Variants in DPP10 observed in about 807,000 individuals in gnomAD.
DPP10 encodes inactive dipeptidyl peptidase 10.
A neutral mutation model predicts 120.9 loss-of-function variants in DPP10; 33 were observed. That is an observed-to-expected ratio of 0.27 (90% CI 0.21 to 0.37). DPP10 has a LOEUF of 0.37. Ranked by LOEUF, DPP10 falls within the 10% of genes least tolerant of loss-of-function variation. The pLI is 1.00. For synonymous variants in DPP10, 337 were observed against 326.1 expected, an observed-to-expected ratio of 1.03 and a Z score of -0.36; for missense variants, 816 against 942.8, an observed-to-expected ratio of 0.87 and a Z score of 1.76.
At chr2:115,638,134 A>G (rs1357039973) in intron 5 of DPP10, among the ~76,000 whole-genome samples, 1 of 152,192 alleles carries the variant, frequency 6.6e-6, no homozygotes, top group Non-Finnish European at 1.5e-5. Flanking sequence ...CCTAATTTTA[A>G]TGGGTACTGC....
At chr2:115,300,856 A>G (rs565174970) in intron 1 of DPP10, among the ~76,000 whole-genome samples, 150 of 152,044 alleles carry the variant, frequency 9.9e-4, no homozygotes, top group Non-Finnish European at 1.9e-3. Flanking sequence ...CCAGAGATTT[A>G]TTTTGATCTT....
chr2:114,792,095 C>T (rs767382709), intron 1 of DPP10, among the ~76,000 whole-genome samples: 9 of 151,918 alleles, frequency 5.9e-5, no homozygotes, highest in Middle Eastern at 3.2e-3. Flanking sequence ...ACCTGTATTG[C>T]GAATTGAGAT....
At chr2:115,153,007 A>G (rs1467535596) in intron 1 of DPP10, among the ~76,000 whole-genome samples, 1 of 152,152 alleles carries the variant, frequency 6.6e-6, no homozygotes, top group Admixed American at 6.5e-5. Flanking sequence ...GTTAAGCCAG[A>G]TGGATGCCTA....
intron 1 of DPP10, among the ~76,000 whole-genome samples, chr2:114,632,916 C>G (rs905598304): frequency 6.6e-6 from 1 of 152,116 alleles, no homozygotes; most frequent in African/African-American, 2.4e-5. Context: ...TTCAGGCTGG[C>G]TCTTACATCC....
chr2:114,881,374 T>G (rs1482220086), intron 1 of DPP10, among the ~76,000 whole-genome samples: 2 of 152,084 alleles, frequency 1.3e-5, no homozygotes, highest in African/African-American at 4.8e-5. Context: ...ACTGATTACA[T>G]TGAATCCACT....
At chr2:115,396,445 C>T (rs142997762) in intron 3 of DPP10, among the ~76,000 whole-genome samples, 3 of 152,236 alleles carry the variant, frequency 2.0e-5, no homozygotes, top group East Asian at 1.9e-4. Flanking sequence ...TGACTTGCTA[C>T]GTGAAGTAAG....
At chr2:115,114,071 T>TCA (rs1350489393) in intron 1 of DPP10, among the ~76,000 whole-genome samples, 1 of 152,170 alleles carries the variant, frequency 6.6e-6, no homozygotes, top group Non-Finnish European at 1.5e-5. Context: ...CTTGCTGCAA[T>TCA]GCTAGGACTA....
At chr2:114,462,951 G>A (rs1679052723) in intron 1 of DPP10, among the ~76,000 whole-genome samples, 1 of 152,030 alleles carries the variant, frequency 6.6e-6, no homozygotes, top group Non-Finnish European at 1.5e-5. Flanking sequence ...TGTTTTGTAA[G>A]CATTTCCTTA....
chr2:115,804,625 CTGTT>C (rs1353213054), intron 19 of DPP10, among the ~76,000 whole-genome samples: 1 of 152,124 alleles, frequency 6.6e-6, no homozygotes, highest in African/African-American at 2.4e-5. Context: ...GATGTCCTTT[CTGTT>C]TGTTAGTTTT....
intron 1 of DPP10, among the ~76,000 whole-genome samples, chr2:115,165,532 A>G (rs1217368219): frequency 6.6e-6 from 1 of 152,212 alleles, no homozygotes; most frequent in East Asian, 1.9e-4. Flanking sequence ...TTTAGTTAAT[A>G]TCACGCTACT....
At chr2:115,825,782 T>C (rs189813144) in intron 21 of DPP10, among the ~76,000 whole-genome samples, 1 of 152,356 alleles carries the variant, frequency 6.6e-6, no homozygotes, top group African/African-American at 2.4e-5. Context: ...TGTTTGGCTA[T>C]GCCATAAGAC....
At chr2:115,262,353 T>C (rs2059288800) in intron 1 of DPP10, among the ~76,000 whole-genome samples, 1 of 152,008 alleles carries the variant, frequency 6.6e-6, no homozygotes, top group South Asian at 2.1e-4. Flanking sequence ...GCTATCATTA[T>C]TTTAATATGT....
At chr2:115,536,280 T>A (rs1443318954) in intron 5 of DPP10, among the ~76,000 whole-genome samples, 1 of 152,006 alleles carries the variant, frequency 6.6e-6, no homozygotes, top group African/African-American at 2.4e-5. Context: ...TAACACAGTT[T>A]ACTATCATGA....
intron 5 of DPP10, among the ~76,000 whole-genome samples, chr2:115,565,978 G>C (rs369967835): frequency 6.6e-6 from 1 of 151,820 alleles, no homozygotes; most frequent in Non-Finnish European, 1.5e-5. Flanking sequence ...GTAGAGACGG[G>C]GTTTCACCAT....
chr2:115,362,782 C>T (rs2064863952), intron 3 of DPP10, among the ~76,000 whole-genome samples: 1 of 152,176 alleles, frequency 6.6e-6, no homozygotes, highest in Admixed American at 6.5e-5. Context: ...TTGTTCTAGA[C>T]CTTTCCTAGG....
At chr2:115,315,174 C>T (rs1052077075) in intron 2 of DPP10, among the ~76,000 whole-genome samples, 1 of 148,026 alleles carries the variant, frequency 6.8e-6, no homozygotes, top group African/African-American at 2.5e-5. Flanking sequence ...CTCTCTGTTC[C>T]TATTGTTAAG....
intron 1 of DPP10, among the ~76,000 whole-genome samples, chr2:114,962,055 A>G (rs979070436): frequency 1.3e-5 from 2 of 152,180 alleles, no homozygotes; most frequent in African/African-American, 4.8e-5. Flanking sequence ...TGCTGCTACA[A>G]ATACTATCTC....
intron 24 of DPP10, among the ~76,000 whole-genome samples, chr2:115,838,023 T>C (rs943694816): frequency 6.6e-6 from 1 of 152,140 alleles, no homozygotes; most frequent in Non-Finnish European, 1.5e-5. Context: ...TAGTTAGTGG[T>C]AGTATATGAG....
intron 3 of DPP10, among the ~76,000 whole-genome samples, chr2:115,376,616 A>T (rs2106433196): frequency 6.6e-6 from 1 of 151,398 alleles, no homozygotes; most frequent in East Asian, 2.0e-4. Flanking sequence ...TTAGTTACAG[A>T]TGTATACATG....
Sources: allele counts gnomAD v4.1 joint callset (sites outside exome capture counted in the v4.1 genomes callset), GRCh38; gene constraint gnomAD v4.1.1; transcripts MANE v1.5; gene names NCBI Gene and HGNC (gene_info 2026-07-23, HGNC 2026-07-21).